Variants in PDE4D observed in about 807,000 individuals in gnomAD.
The protein encoded by PDE4D is 3',5'-cyclic-AMP phosphodiesterase 4D.
In PDE4D, 24 loss-of-function variants were observed where a neutral mutation model predicts 87.4. That is an observed-to-expected ratio of 0.27 (90% CI 0.20 to 0.39). The LOEUF (loss-of-function observed/expected upper bound fraction) is 0.39. Ranked by LOEUF, PDE4D falls within the 10% of genes least tolerant of loss-of-function variation. The pLI is 1.00. For synonymous variants in PDE4D, 384 were observed against 383.2 expected, an observed-to-expected ratio of 1.00 and a Z score of -0.02; for missense variants, 714 against 1,041.0, an observed-to-expected ratio of 0.69 and a Z score of 4.32.
intron 1 of PDE4D, among the ~76,000 whole-genome samples, chr5:59,771,493 GAGAGAGAAGA>G (rs1561637665): frequency 2.5e-4 from 9 of 36,246 alleles, no homozygotes; most frequent in African/African-American, 7.4e-4. Context: ...AAGAGAGAGA[GAGAGAGAAGA>G]AAGAAAGAAA....
At chr5:58,997,275 T>C (rs1472769380) in intron 6 of PDE4D, among the ~76,000 whole-genome samples, 1 of 152,140 alleles carries the variant, frequency 6.6e-6, no homozygotes, top group Non-Finnish European at 1.5e-5. Context: ...AACTGGTAGT[T>C]GATCTCACAA....
chr5:59,276,184 A>T, intron 1 of PDE4D: 1 of 965,044 alleles, frequency 1.0e-6, no homozygotes, highest in Non-Finnish European at 1.2e-6. Context: ...AATTGCTGAG[A>T]CTTACAAAGC....
chr5:59,230,261 T>C (rs1485022443), intron 1 of PDE4D, among the ~76,000 whole-genome samples: 2 of 152,176 alleles, frequency 1.3e-5, no homozygotes, highest in African/African-American at 4.8e-5. Flanking sequence ...CACGTGTTTA[T>C]TTTTCCCAGA....
intron 1 of PDE4D, among the ~76,000 whole-genome samples, chr5:59,349,131 T>C (rs996449590): frequency 6.6e-6 from 1 of 152,122 alleles, no homozygotes; most frequent in Non-Finnish European, 1.5e-5. Flanking sequence ...AAGTAGCATA[T>C]AGTATTCTTC....
intron 1 of PDE4D, among the ~76,000 whole-genome samples, chr5:59,498,110 A>T: frequency 6.6e-6 from 1 of 151,980 alleles, no homozygotes; most frequent in East Asian, 1.9e-4. Flanking sequence ...ATTCTTTCTC[A>T]GATAAGCAAT....
At chr5:59,520,149 G>A (rs1367378057) in intron 1 of PDE4D, among the ~76,000 whole-genome samples, 4 of 152,130 alleles carry the variant, frequency 2.6e-5, no homozygotes. Context: ...TGTAGTCCCA[G>A]CTACTTCGAA....
rs1748382419 is a variant in PDE4D at position 58,993,372 on chromosome 5, C to T, written c.1015G>A (p.Asp339Asn). Residue 339 changes from aspartate to asparagine, a missense_variant and splice_region_variant, in exon 7 of 15, where the codon GAT (aspartate) becomes AAT (asparagine). Coordinates refer to ENST00000340635, the MANE Select transcript of PDE4D (RefSeq NM_001104631.2). The part of the protein sequence containing the change: ...VSEFISNTFL[D>N]KQHEVEIPSP... Reference sequence around the variant, plus strand: ...TTTAATTGCATGTTGTTATTCTCACCTAAGAATGTGTTTGATATAAACTCT... The same window carrying T: ...TTTAATTGCATGTTGTTATTCTCACTTAAGAATGTGTTTGATATAAACTCT... 1 of 1,535,706 alleles carries T rather than the reference C, an allele frequency of 6.5e-7. No homozygotes were observed. Among genetic ancestry groups the T allele is most frequent in the African/African-American group, 1.4e-5 (1 of 71,198 alleles).
rs188842618 is a variant in PDE4D at position 60,469,768 on chromosome 5, C to T, written c.-90+18174G>A. The stretch of plus-strand genomic sequence containing the variant: ...CACAAACCATGCCCATATAGGACGG[C>T]GAACTTAATCAATGAATAATGTGTA... On this transcript the variant is annotated intron_variant, in intron 1 of 16. Transcript: ENST00000502484. Among the ~76,000 whole-genome samples, 12 of 152,200 alleles carry T rather than the reference C, an allele frequency of 7.9e-5. No individual in the cohort carries two copies. In the East Asian group the frequency reaches 1.3e-3, roughly 17 times the overall value.
intron 1 of PDE4D, among the ~76,000 whole-genome samples, chr5:60,474,544 G>A (rs753156251): frequency 5.9e-5 from 9 of 152,116 alleles, no homozygotes; most frequent in Non-Finnish European, 1.2e-4. Context: ...GGAGTTTGCA[G>A]AGGCTGGTAA....
intron 1 of PDE4D, among the ~76,000 whole-genome samples, chr5:60,486,083 G>T (rs1749115087): frequency 6.6e-6 from 1 of 152,130 alleles, no homozygotes; most frequent in East Asian, 1.9e-4. Flanking sequence ...ACACCAAGTG[G>T]GCCACATGGA....
At chr5:60,014,025 G>A (rs757782059) in intron 2 of PDE4D, among the ~76,000 whole-genome samples, 9 of 150,842 alleles carry the variant, frequency 6.0e-5, no homozygotes, top group Non-Finnish European at 1.2e-4. Flanking sequence ...CCCAGGAGGC[G>A]GAGGTTGCCG....
intron 3 of PDE4D, among the ~76,000 whole-genome samples, chr5:59,971,208 G>A (rs1322321184): frequency 1.7e-5 from 2 of 116,240 alleles, no homozygotes; most frequent in Non-Finnish European, 3.4e-5. Context: ...GGACTGTTGT[G>A]GGGTGGGGGG....
At chr5:59,819,169 T>C (rs994677515) in intron 1 of PDE4D, among the ~76,000 whole-genome samples, 2 of 152,246 alleles carry the variant, frequency 1.3e-5, no homozygotes, top group Non-Finnish European at 2.9e-5. Flanking sequence ...TATGCTTTTA[T>C]GGAGGCAATT....
In PDE4D at chr5:59,283,715, A is replaced by G. The variant is rs940515690; in HGVS notation, c.456-67747T>C. On this transcript the variant is annotated intron_variant, in intron 1 of 14. Transcript: ENST00000340635. ...TCCTACTCTGCCTTCAAGATCTAGC[A>G]TAAGTAGCAGTAAAGCCCAACTAAC... 2.6e-5 allele frequency among the ~76,000 whole-genome samples: 4 copies of G among 152,282 alleles called. No homozygotes were observed. In the South Asian group the frequency reaches 6.2e-4, roughly 24 times the overall value.
chr5:59,944,193 CTTT>C (rs1351817190), intron 3 of PDE4D, among the ~76,000 whole-genome samples: 9 of 152,310 alleles, frequency 5.9e-5, no homozygotes, highest in African/African-American at 2.2e-4. Flanking sequence ...TGCTTTGTTG[CTTT>C]AACAGATTCT....
chr5:59,415,632 C>A (rs59570494), intron 1 of PDE4D, among the ~76,000 whole-genome samples: 25,826 of 151,850 alleles, frequency 0.17, 2,896 homozygotes, highest in African/African-American at 0.31. Flanking sequence ...TCTAAATGTC[C>A]AATAAAGATC....
At chr5:59,723,257 A>G (rs777892317) in intron 1 of PDE4D, among the ~76,000 whole-genome samples, 2 of 152,088 alleles carry the variant, frequency 1.3e-5, no homozygotes, top group African/African-American at 2.4e-5. Context: ...ATGGGCTTCA[A>G]TCTCCTGGGT....
At chr5:59,232,815 T>C (rs1388615344) in intron 1 of PDE4D, among the ~76,000 whole-genome samples, 1 of 143,820 alleles carries the variant, frequency 7.0e-6, no homozygotes. Flanking sequence ...AAAATACATA[T>C]ATATATATAT....
At chr5:60,227,967 T>G (rs903168933) in intron 1 of PDE4D, among the ~76,000 whole-genome samples, 2 of 151,996 alleles carry the variant, frequency 1.3e-5, no homozygotes, top group South Asian at 4.1e-4. Flanking sequence ...ATTCATTTCC[T>G]CAAACACCCT....
Sources: allele counts gnomAD v4.1 joint callset (sites outside exome capture counted in the v4.1 genomes callset), GRCh38; gene constraint gnomAD v4.1.1; transcripts MANE v1.5; gene names NCBI Gene and HGNC (gene_info 2026-07-23, HGNC 2026-07-21).